TTC7B: variants seen among roughly 807,000 people sequenced by gnomAD.
TTC7B encodes the protein tetratricopeptide repeat protein 7B.
Under a neutral mutation model 106.8 loss-of-function variants are expected in TTC7B, and 28 were observed. That is an observed-to-expected ratio of 0.26 (90% CI 0.19 to 0.36). TTC7B has a LOEUF of 0.36. Ranked by LOEUF, TTC7B falls within the 10% of genes least tolerant of loss-of-function variation. The probability of loss-of-function intolerance (pLI) is 1.00; values close to 1 mark genes in which losing one functional copy is unlikely to be tolerated. For synonymous variants in TTC7B, 405 were observed against 430.6 expected (o/e 0.94, Z 0.74); for missense variants, 862 against 1,076.4 (o/e 0.80, Z 2.79).
At chr14:90,675,642 C>T (rs113140128) in intron 9 of TTC7B, among the ~76,000 whole-genome samples, 6,171 of 152,220 alleles carry the variant, frequency 0.041, 175 homozygotes, top group Non-Finnish European at 0.061. Flanking sequence ...CCTAATGTGG[C>T]GATGCACTGG....
rs145492945 is a variant in TTC7B at position 90,730,041 on chromosome 14, A to T, written c.698+34T>A. On this transcript the variant is annotated intron_variant, in intron 5 of 19. Coordinates refer to ENST00000328459, the MANE Select transcript of TTC7B (RefSeq NM_001010854.2). The stretch of plus-strand genomic sequence containing the variant: ...GTAAGGCTTTCTACTTTCCTTCTTT[A>T]GGAAGTGGATTTAAAAAAATGAAGA... The T allele has an allele frequency of 8.0e-4, 1,268 of 1,582,592 alleles. 8 individuals are homozygous for T. In the African/African-American group the frequency reaches 0.015, roughly 18 times the overall value.
chr14:90,569,186 A>G (rs1447431342), intron 19 of TTC7B, among the ~76,000 whole-genome samples: 1 of 152,192 alleles, frequency 6.6e-6, no homozygotes, highest in East Asian at 1.9e-4. Context: ...GGCAGTGGTG[A>G]AAGCCATGAA....
intron 3 of TTC7B, among the ~76,000 whole-genome samples, chr14:90,780,275 G>GCCA (rs1401359506): frequency 2.6e-5 from 4 of 152,002 alleles, no homozygotes; most frequent in Non-Finnish European, 5.9e-5. Context: ...CAGCTACTCG[G>GCCA]GAGGTTGAGG....
chr14:90,726,141 C>T (rs2139984067), intron 5 of TTC7B, among the ~76,000 whole-genome samples: 1 of 152,280 alleles, frequency 6.6e-6, no homozygotes, highest in African/African-American at 2.4e-5. Flanking sequence ...GATTGACATG[C>T]CCAAATCAAG....
intron 19 of TTC7B, among the ~76,000 whole-genome samples, chr14:90,567,919 C>A (rs1194293603): frequency 6.6e-6 from 1 of 152,216 alleles, no homozygotes; most frequent in African/African-American, 2.4e-5. Context: ...GATATTCTCC[C>A]TAGACCTTTG....
At position 90,759,502 on chromosome 14, in the gene TTC7B, C is replaced by T. The variant is rs1443133040; in HGVS notation, c.446-14580G>A. 1.3e-5 allele frequency among the ~76,000 whole-genome samples: 2 copies of T among 152,120 alleles called. No homozygotes were observed. The highest frequency in any genetic ancestry group is 2.4e-5 in the African/African-American group (1 of 41,408). ...CAAACCCTAAGAATAAAAACTACAG[C>T]GGCCACCACCACACATTGCAGAGGC... On this transcript the variant is annotated intron_variant, in intron 3 of 19. Transcript: ENST00000328459. The surrounding 1 kb of genome is among the most constrained non-coding windows in gnomAD (Gnocchi z 4.1).
intron 15 of TTC7B, among the ~76,000 whole-genome samples, chr14:90,637,805 C>A (rs1011953439): frequency 6.6e-6 from 1 of 152,172 alleles, no homozygotes; most frequent in East Asian, 1.9e-4. Context: ...AATCTGCTAT[C>A]GTTTCATCAT....
At chr14:90,662,407 T>A (rs1429904871) in intron 9 of TTC7B, among the ~76,000 whole-genome samples, 1 of 152,298 alleles carries the variant, frequency 6.6e-6, no homozygotes, top group African/African-American at 2.4e-5. Context: ...TAAGTTACTT[T>A]TCTGCTTAAC....
intron 1 of TTC7B, among the ~76,000 whole-genome samples, chr14:90,813,950 A>G (rs1032405244): frequency 2.6e-5 from 4 of 152,194 alleles, no homozygotes; most frequent in African/African-American, 9.7e-5. Flanking sequence ...GAGAGCCACA[A>G]TCATTCTAGT....
intron 1 of TTC7B, among the ~76,000 whole-genome samples, chr14:90,794,320 G>C (rs565743554): frequency 1.2e-4 from 18 of 145,586 alleles, no homozygotes; most frequent in Non-Finnish European, 7.4e-5. Flanking sequence ...TCCACCTCCC[G>C]GGTTCAAGTG....
chr14:90,660,543 G>A (rs1247632369), intron 9 of TTC7B, among the ~76,000 whole-genome samples: 2 of 152,158 alleles, frequency 1.3e-5, no homozygotes, highest in African/African-American at 4.8e-5. Flanking sequence ...AGAGACTGGT[G>A]CAACCACGCA....
chr14:90,773,828 A>G (rs183968706), intron 3 of TTC7B, among the ~76,000 whole-genome samples: 1 of 152,212 alleles, frequency 6.6e-6, no homozygotes, highest in African/African-American at 2.4e-5. Flanking sequence ...TCTTCCCCCA[A>G]AAAGCCCCAT....
Position 90,524,811 on chromosome 14 carries a change from C to A in TTC7B, c.*16557G>T, listed in dbSNP as rs1412864394. The A allele has an allele frequency of 6.6e-6, 1 of 152,024 alleles. No individual in the cohort carries two copies. Among genetic ancestry groups the A allele is most frequent in the Non-Finnish European group, 1.5e-5 (1 of 68,008 alleles). 9.4% of individuals were successfully genotyped at this position (152,024 alleles called of 1,614,324 possible). A position where few individuals can be genotyped will look rare whatever the true frequency, so the allele number is the denominator to read the frequency against. On this transcript the variant is annotated 3_prime_UTR_variant, in exon 20 of 20. Coordinates refer to ENST00000328459, the MANE Select transcript of TTC7B (RefSeq NM_001010854.2). ...CCTGGAGCTCTCAGGTGGTGCAAGGCACACGGGGATCCCCCACATTGCAGG... is the reference window on the plus strand; with the variant it reads ...CCTGGAGCTCTCAGGTGGTGCAAGGAACACGGGGATCCCCCACATTGCAGG...
chr14:90,562,171 C>G (rs1423897988), intron 19 of TTC7B, among the ~76,000 whole-genome samples: 1 of 152,262 alleles, frequency 6.6e-6, no homozygotes, highest in Non-Finnish European at 1.5e-5. Context: ...CCAGGAAAAA[C>G]CCCGGTCAGC....
At chr14:90,767,040 A>C (rs1019953790) in intron 3 of TTC7B, 2 of 834,360 alleles carry the variant, frequency 2.4e-6, no homozygotes, top group Admixed American at 2.9e-5. Context: ...AAAAAAAAAA[A>C]AAAAAGAAAG....
chr14:90,772,905 G>A (rs1228462994), intron 3 of TTC7B: 1 of 150,252 alleles, frequency 6.7e-6, no homozygotes, highest in Non-Finnish European at 1.5e-5. Flanking sequence ...AGGTTGCAGT[G>A]AGCCGAGATC....
At chr14:90,597,046 C>T (rs1259385431) in intron 17 of TTC7B, among the ~76,000 whole-genome samples, 2 of 152,180 alleles carry the variant, frequency 1.3e-5, no homozygotes, top group Non-Finnish European at 2.9e-5. Context: ...TCCAATTAAA[C>T]ATGGACGTTT....
At chr14:90,557,985 A>G (rs1890396382) in intron 19 of TTC7B, among the ~76,000 whole-genome samples, 1 of 152,182 alleles carries the variant, frequency 6.6e-6, no homozygotes. Context: ...GGTCCTGAGG[A>G]CCCAGTAGAC....
chr14:90,711,610 C>T (rs1436731180), intron 5 of TTC7B, among the ~76,000 whole-genome samples: 4 of 152,094 alleles, frequency 2.6e-5, no homozygotes, highest in East Asian at 1.9e-4. Context: ...TTAGTGAAGA[C>T]GGGGTTTTGC....
Sources: allele counts gnomAD v4.1 joint callset (sites outside exome capture counted in the v4.1 genomes callset), GRCh38; gene constraint gnomAD v4.1.1; non-coding constraint Gnocchi (gnomAD v3.1); transcripts MANE v1.5; gene names NCBI Gene and HGNC (gene_info 2026-07-23, HGNC 2026-07-21).